ZFHX3: variants seen among roughly 807,000 people sequenced by gnomAD.
The protein encoded by ZFHX3 is zinc finger homeobox 3.
Under a neutral mutation model 279.1 loss-of-function variants are expected in ZFHX3, and 42 were observed. That is an observed-to-expected ratio of 0.15 (90% CI 0.12 to 0.19). The LOEUF (loss-of-function observed/expected upper bound fraction) is 0.19, where lower values mean the gene tolerates loss of function less well. Ranked by LOEUF, ZFHX3 falls within the 10% of genes least tolerant of loss-of-function variation. The pLI is 1.00. For missense variants in ZFHX3, 4,981 were observed against 4,754.0 expected, an observed-to-expected ratio of 1.05 and a Z score of -1.40; for synonymous variants, 2,293 against 1,957.8, an observed-to-expected ratio of 1.17 and a Z score of -4.52.
At chr16:73,158,871 G>T (rs1967158756) in intron 5 of ZFHX3, among the ~76,000 whole-genome samples, 1 of 152,184 alleles carries the variant, frequency 6.6e-6, no homozygotes, top group Non-Finnish European at 1.5e-5. Context: ...TAACTGACTA[G>T]CCATATGCAG....
chr16:73,629,669 A>C lies in ZFHX3; in HGVS notation c.-1547+50511T>G, dbSNP rs1331192988. Among the ~76,000 whole-genome samples the C allele has an allele frequency of 2.0e-5, 3 of 152,124 alleles. No individual in the cohort carries two copies. The South Asian group carries it at 6.2e-4, about 32-fold the overall frequency. On this transcript the variant is annotated intron_variant, in intron 2 of 17. Coordinates refer to the ZFHX3 transcript ENST00000641206. ...TAAAAAAAAAGAAAGAAAGAAAGGA[A>C]AAAGAAAGGAGGAAAAAACCCTATA...
chr16:73,318,525 T>C (rs2143188748), intron 3 of ZFHX3, among the ~76,000 whole-genome samples: 1 of 152,276 alleles, frequency 6.6e-6, no homozygotes, highest in Non-Finnish European at 1.5e-5. Flanking sequence ...CTTTTTTTTT[T>C]CTTTATTCCT....
At chr16:73,409,796 C>A (rs1404015710) in intron 3 of ZFHX3, among the ~76,000 whole-genome samples, 1 of 152,106 alleles carries the variant, frequency 6.6e-6, no homozygotes, top group Non-Finnish European at 1.5e-5. Context: ...GAATGAGATC[C>A]TATAATTTGC....
intron 2 of ZFHX3, among the ~76,000 whole-genome samples, chr16:73,586,169 A>C (rs553454890): frequency 1.0e-3 from 159 of 152,234 alleles, no homozygotes; most frequent in South Asian, 2.7e-3. Flanking sequence ...CAGGAGGATC[A>C]CCTGAGGTCA....
intron 6 of ZFHX3, among the ~76,000 whole-genome samples, chr16:73,141,724 C>T (rs1436923716): frequency 1.3e-5 from 2 of 152,140 alleles, no homozygotes; most frequent in African/African-American, 4.8e-5. Context: ...CTCATTTAAT[C>T]CTACCACCCT....
chr16:72,996,697 C>A (rs1043160691), intron 1 of ZFHX3, among the ~76,000 whole-genome samples: 2 of 152,238 alleles, frequency 1.3e-5, no homozygotes, highest in African/African-American at 4.8e-5. Flanking sequence ...TGCAATCCAA[C>A]CACGGAGTTC....
intron 7 of ZFHX3, chr16:73,098,982 C>T (rs1236707856): frequency 6.6e-6 from 1 of 152,194 alleles, no homozygotes; most frequent in Admixed American, 6.5e-5. Context: ...GAGTGAAATT[C>T]CCTTTCAATC....
intron 2 of ZFHX3, among the ~76,000 whole-genome samples, chr16:73,661,500 C>A (rs1039412412): frequency 3.9e-5 from 6 of 152,118 alleles, no homozygotes; most frequent in African/African-American, 1.2e-4. Flanking sequence ...GCAGGCAGAT[C>A]AGTTGAGGTT....
rs761189158 is a variant in ZFHX3 at position 72,889,899 on chromosome 16, T to A, written c.3280A>T (p.Asn1094Tyr). 1.2e-6 allele frequency: 2 copies of A among 1,614,180 alleles called. No homozygotes were observed. Among genetic ancestry groups the A allele is most frequent in the African/African-American group, 1.3e-5 (1 of 75,058 alleles). Residue 1094 changes from asparagine (N) to tyrosine (Y), a missense_variant, in exon 4 of 10, where the codon AAC becomes TAC. Transcript: ENST00000268489. ...ESCYYHCVLC[N>Y]YSTKAKLNLI... ...TTGAGCTTGGCCTTGGTGGAGTAGTTGCACAGAACGCAGTGGTAGTAGCAG... is the reference window on the plus strand; with the variant it reads ...TTGAGCTTGGCCTTGGTGGAGTAGTAGCACAGAACGCAGTGGTAGTAGCAG...
chr16:73,800,105 T>A (rs143741586), intron 1 of ZFHX3, among the ~76,000 whole-genome samples: 1 of 152,164 alleles, frequency 6.6e-6, no homozygotes, highest in Non-Finnish European at 1.5e-5. Flanking sequence ...ATGACTTCTA[T>A]AGAAATCATC....
intron 5 of ZFHX3, among the ~76,000 whole-genome samples, chr16:73,158,379 A>G (rs1033334681): frequency 6.6e-6 from 1 of 152,172 alleles, no homozygotes; most frequent in African/African-American, 2.4e-5. Context: ...AAAACTAAAT[A>G]TGACATGAAA....
At chr16:73,079,327 C>T (rs1965919961) in intron 8 of ZFHX3, among the ~76,000 whole-genome samples, 1 of 151,704 alleles carries the variant, frequency 6.6e-6, no homozygotes, top group Non-Finnish European at 1.5e-5. Flanking sequence ...GAGTTCAAGA[C>T]CAGCCTGGCC....
intron 1 of ZFHX3, among the ~76,000 whole-genome samples, chr16:73,008,928 GTGT>G (rs1409798597): frequency 6.6e-6 from 1 of 151,918 alleles, no homozygotes; most frequent in East Asian, 1.9e-4. Flanking sequence ...GTGTGTGTGT[GTGT>G]GTGTGTGTAT....
At chr16:73,470,568 C>T (rs2018648730) in intron 2 of ZFHX3, among the ~76,000 whole-genome samples, 2 of 152,162 alleles carry the variant, frequency 1.3e-5, no homozygotes, top group Admixed American at 1.3e-4. Flanking sequence ...TCCTACAAGG[C>T]ACAAACCTTT....
At chr16:73,697,596 G>A (rs886292468) in intron 1 of ZFHX3, among the ~76,000 whole-genome samples, 3 of 152,042 alleles carry the variant, frequency 2.0e-5, no homozygotes, top group Non-Finnish European at 2.9e-5. Context: ...TCTTGTTTTT[G>A]TTTCATATAC....
At chr16:73,874,074 C>G (rs948853364) in intron 1 of ZFHX3, among the ~76,000 whole-genome samples, 2 of 152,120 alleles carry the variant, frequency 1.3e-5, no homozygotes, top group African/African-American at 4.8e-5. Flanking sequence ...TAGCTGCCTA[C>G]GCCATTTCTT....
At chr16:73,509,528 T>A (rs1194197322) in intron 2 of ZFHX3, among the ~76,000 whole-genome samples, 2 of 143,714 alleles carry the variant, frequency 1.4e-5, no homozygotes, top group African/African-American at 5.2e-5. Context: ...CTCCTTTTTT[T>A]TTTTTTTTTT....
chr16:73,602,186 G>A (rs1337383096), intron 2 of ZFHX3, among the ~76,000 whole-genome samples: 1 of 152,164 alleles, frequency 6.6e-6, no homozygotes, highest in Non-Finnish European at 1.5e-5. Context: ...ATGTTCTGAA[G>A]CAACTATAAC....
chr16:72,798,760 T>TTA (rs760181967), intron 8 of ZFHX3, 46 bp from the exon 9 acceptor site: 4 of 1,506,756 alleles, frequency 2.7e-6, no homozygotes, highest in Non-Finnish European at 3.5e-6. Flanking sequence ...AAAGAAGGCT[T>TTA]TGTTTCAAGG....
Sources: gnomAD v4.1 joint callset for allele counts (sites outside exome capture counted in the v4.1 genomes callset) on GRCh38, gnomAD v4.1.1 for gene constraint, MANE v1.5 for transcripts, NCBI Gene and HGNC (gene_info 2026-07-23, HGNC 2026-07-21) for gene names.